Variants in ASCC2 observed in about 807,000 individuals in gnomAD.
ASCC2 encodes the protein ASC-1 complex subunit P100.
A neutral mutation model predicts 93.5 loss-of-function variants in ASCC2; 42 were observed. That is an observed-to-expected ratio of 0.45 (90% CI 0.35 to 0.58). The LOEUF is 0.58. ASCC2 is among the 20% of genes least tolerant of loss of function. ASCC2 has a pLI of 0.00. For missense variants in ASCC2, 859 were observed against 977.6 expected, an observed-to-expected ratio of 0.88 and a Z score of 1.62; for synonymous variants, 364 against 384.2, an observed-to-expected ratio of 0.95 and a Z score of 0.62.
At position 29,815,988 on chromosome 22, in the gene ASCC2, A is replaced by G. The variant is rs371730498; in HGVS notation, c.609+18T>C. 5 of 1,572,934 alleles carry G rather than the reference A, an allele frequency of 3.2e-6. No homozygotes were observed. The highest frequency in any genetic ancestry group is 3.5e-6 in the Non-Finnish European group (4 of 1,155,960). On this transcript the variant is annotated intron_variant, in intron 6 of 19. Coordinates refer to ENST00000307790, the MANE Select transcript of ASCC2 (RefSeq NM_032204.5). Reference sequence around the variant, plus strand: ...CCTCCAAGCTCAACCTCCCCTGCGCAGGGCCAAGAGCTGGTACCTGAAGGA... The same window carrying G: ...CCTCCAAGCTCAACCTCCCCTGCGCGGGGCCAAGAGCTGGTACCTGAAGGA...
At chr22:29,813,323 C>A in intron 8 of ASCC2, 107 bp downstream of exon 8, 1 of 805,822 alleles carries the variant, frequency 1.2e-6, no homozygotes, top group Non-Finnish European at 2.1e-6. Context: ...GGAAGAGGGA[C>A]TGGTACATTC....
rs199932893 is a variant in ASCC2 at position 29,813,500 on chromosome 22, T to C, written c.763A>G (p.Thr255Ala). Residue 255 changes from threonine (T) to alanine (A), a missense_variant, in exon 8 of 20, where the codon ACA (threonine) becomes GCA (alanine). Transcript: ENST00000307790. ...AAGATATCCAGAAAGGCCCAAAGTG[T>C]GGTGCAGGTATCACAAAGGTAGAGA... ...IVLYLCDTCTTLWAFLDIFPL... is the reference protein window; with the variant it reads ...IVLYLCDTCTALWAFLDIFPL... The C allele has an allele frequency of 3.8e-5, 61 of 1,614,170 alleles. No individual in the cohort carries two copies. In the Admixed American group the frequency reaches 8.5e-4, roughly 22 times the overall value.
rs201332546 is a variant in ASCC2, at chr22:29,801,160, C to T, written c.1569-50G>A. The T allele has an allele frequency of 3.4e-5, 53 of 1,552,028 alleles. No individual in the cohort carries two copies. In the East Asian group the frequency reaches 4.8e-4, roughly 14 times the overall value. On this transcript the variant is annotated intron_variant, in intron 14 of 19. Coordinates refer to ENST00000307790, the MANE Select transcript of ASCC2 (RefSeq NM_032204.5). ...TTTAAGGGGGCCCTGCCAGCTGATG[C>T]AATCTGCACCCCACTTCCCCCTGCT...
At chr22:29,802,667 G>A (rs1409700995) in intron 13 of ASCC2, among the ~76,000 whole-genome samples, 1 of 152,030 alleles carries the variant, frequency 6.6e-6, no homozygotes, top group Non-Finnish European at 1.5e-5. Flanking sequence ...AGGTGGCCGG[G>A]TGTGGTGGCT....
intron 14 of ASCC2, 120 bp from the exon 15 acceptor site, chr22:29,801,230 CTAGGACACAA>C (rs879713992): frequency 2.3e-6 from 3 of 1,295,674 alleles, no homozygotes; most frequent in African/African-American, 1.5e-5. Flanking sequence ...ACAGGCACTC[CTAGGACACAA>C]TCTCAAAACC....
intron 12 of ASCC2, 81 bp from the exon 13 acceptor site, chr22:29,804,911 AC>A: frequency 6.9e-7 from 1 of 1,456,876 alleles, no homozygotes. Flanking sequence ...CCAGCATCTG[AC>A]CACATGGTTC....
Position 29,801,073 on chromosome 22 carries a change from G to T in ASCC2, c.1606C>A (p.Arg536Ser), listed in dbSNP as rs754135355. The change falls in exon 15 of 20, where the codon CGC becomes AGC. Residue 536 changes from arginine (R) to serine (S), a missense_variant. By Grantham distance (110) the Arg-to-Ser change is moderately radical. Transcript: ENST00000307790. ...KPDPTPLLTS[R>S]HNVFQNDEFD... ...TCGTCATTCTGGAAGACGTTGTGGC[G>T]AGACGTCAGCAGGGGTGTAGGGTCT... is the stretch of plus-strand genomic sequence containing the variant. The T allele has an allele frequency of 1.2e-6, 2 of 1,608,924 alleles. No homozygotes were observed. Among genetic ancestry groups the T allele is most frequent in the East Asian group, 4.5e-5 (2 of 44,664 alleles).
intron 2 of ASCC2, among the ~76,000 whole-genome samples, chr22:29,827,046 C>T (rs1257216415): frequency 2.9e-5 from 4 of 138,852 alleles, no homozygotes; most frequent in Non-Finnish European, 4.5e-5. Context: ...TGCAGTGAAC[C>T]GAGATCACGC....
intron 18 of ASCC2, among the ~76,000 whole-genome samples, chr22:29,791,993 C>A (rs980090277): frequency 6.6e-6 from 1 of 152,170 alleles, no homozygotes; most frequent in Non-Finnish European, 1.5e-5. Context: ...CTGTTCTGTA[C>A]GTTGAGGTTC....
At position 29,827,899 on chromosome 22, in the gene ASCC2, G is replaced by GACACACAC. The variant is rs5844872; in HGVS notation, c.82-2127_82-2120dup. On this transcript the variant is annotated intron_variant, in intron 2 of 19. Coordinates refer to ENST00000307790, the MANE Select transcript of ASCC2 (RefSeq NM_032204.5). The stretch of plus-strand genomic sequence containing the variant: ...CACACACCAGGCTACTCATTCTTCT[G>GACACACAC]ACACACACACACACACACACACACA... Among the ~76,000 whole-genome samples the GACACACAC allele has an allele frequency of 2.4e-3, 97 of 40,000 alleles. 13 individuals are homozygous for GACACACAC. The highest frequency in any genetic ancestry group is 0.011 in the African/African-American group (95 of 9,008). 26.2% of individuals were successfully genotyped at this position (40,000 alleles called of 152,430 possible).
intron 19 of ASCC2, 140 bp downstream of exon 19, chr22:29,790,329 T>C: frequency 1.3e-6 from 1 of 784,672 alleles, no homozygotes; most frequent in Non-Finnish European, 2.0e-6. Context: ...GTGATAATGG[T>C]AGCTACTTCA....
rs532726216 is a variant in ASCC2, at chr22:29,788,787, G to T, written c.*226C>A. On this transcript the variant is annotated 3_prime_UTR_variant, in exon 20 of 20. Transcript: ENST00000307790. ...CGCAGCTGGGGGAAGGTGCCTGCTT[G>T]CCGGCCCCACGGATTCTTCGGCTGT... 1.8e-6 allele frequency: 1 copy of T among 565,872 alleles called. No individual in the cohort carries two copies. Among genetic ancestry groups the T allele is most frequent in the South Asian group, 2.1e-5 (1 of 47,202 alleles). 35.1% of individuals were successfully genotyped at this position (565,872 alleles called of 1,614,324 possible).
intron 8 of ASCC2, among the ~76,000 whole-genome samples, chr22:29,810,735 A>ATT (rs767387998): frequency 2.8e-5 from 4 of 145,052 alleles, no homozygotes; most frequent in Admixed American, 6.9e-5. Context: ...ATTCTTTGTA[A>ATT]TTTTTTTTTT....
chr22:29,831,673 C>T (rs570111612), intron 2 of ASCC2, among the ~76,000 whole-genome samples: 1 of 152,286 alleles, frequency 6.6e-6, no homozygotes, highest in Admixed American at 6.5e-5. Context: ...CATCTATCTC[C>T]TTCTTCAGCA....
chr22:29,814,270 T>C (rs1254879627), intron 7 of ASCC2, among the ~76,000 whole-genome samples: 2 of 152,206 alleles, frequency 1.3e-5, no homozygotes, highest in East Asian at 3.8e-4. Flanking sequence ...CCAGTCTGCT[T>C]TTGTTTACTG....
At chr22:29,789,218 G>A in intron 19 of ASCC2, 34 bp from the exon 20 acceptor site, 1 of 1,613,248 alleles carries the variant, frequency 6.2e-7, no homozygotes, top group East Asian at 2.2e-5. Context: ...ACGAGAACCT[G>A]TCAGCCGGAA....
At chr22:29,835,801 T>C (rs1280567778) in intron 1 of ASCC2, among the ~76,000 whole-genome samples, 2 of 152,286 alleles carry the variant, frequency 1.3e-5, no homozygotes, top group East Asian at 3.9e-4. Context: ...AAACAATTCC[T>C]GAATACAATC....
Position 29,825,281 on chromosome 22 carries a change from C to A in ASCC2, c.241-24G>T. The A allele has an allele frequency of 6.6e-7, 1 of 1,506,122 alleles. No homozygotes were observed. The highest frequency in any genetic ancestry group is 8.9e-7 in the Non-Finnish European group (1 of 1,128,104). 93.3% of individuals were successfully genotyped at this position (1,506,122 alleles called of 1,614,324 possible). A position where few individuals can be genotyped will look rare whatever the true frequency, so the allele number is the denominator to read the frequency against. On this transcript the variant is annotated intron_variant, in intron 3 of 19. Transcript: ENST00000307790. The surrounding 1 kb of genome is among the most constrained non-coding windows in gnomAD (Gnocchi z 4.9). ...ACCTAAACCAGGAGACAGAGGAGAGCGAGGATTTATCCCTTAGGCCCCAGG... is the reference window on the plus strand; with the variant it reads ...ACCTAAACCAGGAGACAGAGGAGAGAGAGGATTTATCCCTTAGGCCCCAGG...
intron 6 of ASCC2, 73 bp downstream of exon 6, chr22:29,815,933 C>T (rs2060800495): frequency 3.8e-6 from 5 of 1,306,308 alleles, no homozygotes; most frequent in Admixed American, 2.1e-5. Flanking sequence ...GAAAGTCAGG[C>T]AACACCATTG....
Sources: allele counts gnomAD v4.1 joint callset (sites outside exome capture counted in the v4.1 genomes callset), GRCh38; gene constraint gnomAD v4.1.1; non-coding constraint Gnocchi (gnomAD v3.1); transcripts MANE v1.5; gene names NCBI Gene and HGNC (gene_info 2026-07-23, HGNC 2026-07-21).